The following PIGL variants were observed in gnomAD, a reference collection of about 807,000 sequenced individuals.
The protein encoded by PIGL is phosphatidylinositol glycan anchor biosynthesis class L.
In PIGL, 22 loss-of-function variants were observed where a neutral mutation model predicts 31.1. The observed-to-expected ratio is 0.71, with a 90% confidence interval of 0.51 to 1.01. PIGL has a LOEUF of 1.01. PIGL is among the 50% of genes least tolerant of loss of function. PIGL has a pLI of 0.00. For missense variants in PIGL, 302 were observed against 315.9 expected (o/e 0.96, Z 0.33); for synonymous variants, 131 against 117.4 (o/e 1.12, Z -0.75).
chr17:16,239,800 T>C (rs1387954615), intron 2 of PIGL, among the ~76,000 whole-genome samples: 1 of 152,102 alleles, frequency 6.6e-6, no homozygotes, highest in Non-Finnish European at 1.5e-5. Context: ...TCTTTTTTTT[T>C]TTAGAGACAA....
At chr17:16,306,937 C>G (rs943301549) in intron 3 of PIGL, among the ~76,000 whole-genome samples, 7 of 152,134 alleles carry the variant, frequency 4.6e-5, no homozygotes, top group Non-Finnish European at 1.0e-4. Context: ...TGGTAAGGCT[C>G]GGCTGCGACT....
At chr17:16,239,129 G>A (rs1045227983) in intron 2 of PIGL, among the ~76,000 whole-genome samples, 3 of 151,900 alleles carry the variant, frequency 2.0e-5, no homozygotes, top group Non-Finnish European at 2.9e-5. Context: ...GAGGCCAGAA[G>A]TTCAAAGCCA....
chr17:16,259,178 G>A (rs2092809375), intron 2 of PIGL, among the ~76,000 whole-genome samples: 1 of 151,768 alleles, frequency 6.6e-6, no homozygotes, highest in South Asian at 2.1e-4. Context: ...CAACAGTCTG[G>A]TTTCTGTAAT....
intron 4 of PIGL, among the ~76,000 whole-genome samples, chr17:16,315,708 C>CTTTTTTTTTTTTTTTTTT (rs1157169209): frequency 1.9e-4 from 11 of 58,990 alleles, no homozygotes; most frequent in South Asian, 1.4e-3. Context: ...TTCTTTCTTT[C>CTTTTTTTTTTTTTTTTTT]TTTTTTTTTT....
At chr17:16,244,148 A>G (rs1203839379) in intron 2 of PIGL, among the ~76,000 whole-genome samples, 4 of 152,186 alleles carry the variant, frequency 2.6e-5, no homozygotes, top group African/African-American at 4.8e-5. Flanking sequence ...GAGGGTTAGA[A>G]TCTTGTGTCC....
chr17:16,217,293 G>A lies in PIGL; in HGVS notation c.67G>A (p.Asp23Asn). Residue 23 changes from aspartate (D) to asparagine (N), a missense_variant, in exon 1 of 7, where the codon GAC becomes AAC. Coordinates refer to ENST00000225609, the MANE Select transcript of PIGL (RefSeq NM_004278.4). ...GGCATGGGGCTTCCTCTGGGTTTGGGACTCCTCAGAACGAATGAAGAGTCG... is the reference window on the plus strand; with the variant it reads ...GGCATGGGGCTTCCTCTGGGTTTGGAACTCCTCAGAACGAATGAAGAGTCG... ...VLAWGFLWVWDSSERMKSREQ... is the reference protein window; with the variant it reads ...VLAWGFLWVWNSSERMKSREQ... 6.2e-7 allele frequency: 1 copy of A among 1,614,194 alleles called. No homozygotes were observed. The highest frequency in any genetic ancestry group is 8.5e-7 in the Non-Finnish European group (1 of 1,180,040).
At chr17:16,304,588 T>C (rs1214298390) in intron 3 of PIGL, among the ~76,000 whole-genome samples, 3 of 151,920 alleles carry the variant, frequency 2.0e-5, no homozygotes, top group Admixed American at 6.6e-5. Context: ...CGAGACTCCA[T>C]CTCTATTTTT....
At chr17:16,242,644 C>CTTTTTTT (rs35572629) in intron 2 of PIGL, among the ~76,000 whole-genome samples, 2 of 79,046 alleles carry the variant, frequency 2.5e-5, no homozygotes, top group South Asian at 4.6e-4. Context: ...TTTCTGATTC[C>CTTTTTTT]TTTTTTTTTT....
intron 2 of PIGL, among the ~76,000 whole-genome samples, chr17:16,242,778 G>A (rs781293299): frequency 2.7e-5 from 4 of 148,578 alleles, no homozygotes; most frequent in African/African-American, 5.0e-5. Flanking sequence ...CACCATACCC[G>A]GCTAATTTTT....
chr17:16,317,754 C>G (rs374633545), intron 5 of PIGL, 21 bp from the exon 6 acceptor site: 6 of 1,613,368 alleles, frequency 3.7e-6, no homozygotes, highest in Admixed American at 3.3e-5. Context: ...TATCACTTCA[C>G]CCTGTCTCCT....
At chr17:16,286,550 C>A (rs2092938675) in intron 2 of PIGL, among the ~76,000 whole-genome samples, 2 of 152,122 alleles carry the variant, frequency 1.3e-5, no homozygotes, top group Non-Finnish European at 2.9e-5. Context: ...GGGAAAAAAC[C>A]ACAACGTTAT....
chr17:16,219,482 T>G (rs1470461565), intron 1 of PIGL, among the ~76,000 whole-genome samples: 1 of 152,188 alleles, frequency 6.6e-6, no homozygotes, highest in Non-Finnish European at 1.5e-5. Context: ...CTTCTAAAAT[T>G]TATGCTCTGT....
At chr17:16,274,288 A>G (rs542445675) in intron 2 of PIGL, among the ~76,000 whole-genome samples, 1 of 152,330 alleles carries the variant, frequency 6.6e-6, no homozygotes, top group South Asian at 2.1e-4. Flanking sequence ...TCACAGGACA[A>G]GCAGTTCAGA....
At chr17:16,309,135 G>A (rs2093038045) in intron 3 of PIGL, among the ~76,000 whole-genome samples, 1 of 151,870 alleles carries the variant, frequency 6.6e-6, no homozygotes, top group African/African-American at 2.4e-5. Flanking sequence ...TAATAATAGT[G>A]TATAAGTAGT....
intron 2 of PIGL, among the ~76,000 whole-genome samples, chr17:16,251,628 G>C (rs1423871737): frequency 1.3e-5 from 2 of 150,288 alleles, no homozygotes; most frequent in Non-Finnish European, 3.0e-5. Context: ...TCAGTTGTAA[G>C]ACCACTATAT....
intron 2 of PIGL, among the ~76,000 whole-genome samples, chr17:16,276,111 T>C (rs1568816522): frequency 6.6e-6 from 1 of 152,216 alleles, no homozygotes. Context: ...AAGTGTTCAA[T>C]TTAAGAAAAC....
At chr17:16,264,599 C>CATT (rs67790275) in intron 2 of PIGL, among the ~76,000 whole-genome samples, 1,757 of 143,990 alleles carry the variant, frequency 0.012, 27 homozygotes, top group African/African-American at 0.033. Flanking sequence ...AACACATCGT[C>CATT]ATTATTATTA....
chr17:16,296,927 A>T (rs928283440), intron 2 of PIGL, among the ~76,000 whole-genome samples: 6 of 151,676 alleles, frequency 4.0e-5, no homozygotes, highest in Non-Finnish European at 8.8e-5. Context: ...TCACCGTGTT[A>T]GCCAGGATGG....
chr17:16,317,975 C>A (rs994907249), intron 6 of PIGL, 67 bp downstream of exon 6: 1 of 1,376,740 alleles, frequency 7.3e-7, no homozygotes, highest in Non-Finnish European at 1.0e-6. Context: ...CTCCTCAAAG[C>A]CCCACCTCTG....
Sources: allele counts gnomAD v4.1 joint callset (sites outside exome capture counted in the v4.1 genomes callset), GRCh38; gene constraint gnomAD v4.1.1; transcripts MANE v1.5; gene names NCBI Gene and HGNC (gene_info 2026-07-23, HGNC 2026-07-21).